PLS1: variants seen among roughly 807,000 people sequenced by gnomAD.
PLS1 encodes plastin 1.
In PLS1, 32 loss-of-function variants were observed where a neutral mutation model predicts 73.7. The observed-to-expected ratio is 0.43, with a 90% CI of 0.33 to 0.58. The LOEUF (loss-of-function observed/expected upper bound fraction) is 0.58. Ranked by LOEUF, PLS1 falls within the 20% of genes least tolerant of loss-of-function variation. The pLI is 0.04. For synonymous variants in PLS1, 217 were observed against 261.3 expected (o/e 0.83, Z 1.63); for missense variants, 633 against 740.5 (o/e 0.85, Z 1.68).
intron 2 of PLS1, among the ~76,000 whole-genome samples, chr3:142,665,936 T>A (rs2037471026): frequency 6.6e-6 from 1 of 152,136 alleles, no homozygotes; most frequent in Non-Finnish European, 1.5e-5. Context: ...AGCAAGATAA[T>A]TTGTTCTGTT....
At chr3:142,647,895 G>A (rs953929717) in intron 1 of PLS1, among the ~76,000 whole-genome samples, 3 of 152,134 alleles carry the variant, frequency 2.0e-5, no homozygotes, top group Non-Finnish European at 4.4e-5. Context: ...CTCTCTAGTA[G>A]GGGCTGTGTG....
intron 1 of PLS1, among the ~76,000 whole-genome samples, chr3:142,606,324 A>G (rs2036017149): frequency 6.6e-6 from 1 of 152,192 alleles, no homozygotes; most frequent in African/African-American, 2.4e-5. Flanking sequence ...TAAGGGTATT[A>G]CTAAAGCAAG....
intron 1 of PLS1, among the ~76,000 whole-genome samples, chr3:142,662,944 C>G (rs745393765): frequency 2.6e-5 from 4 of 152,098 alleles, no homozygotes; most frequent in Non-Finnish European, 4.4e-5. Context: ...CTCAGTGGCT[C>G]AGCGTCTGTA....
At chr3:142,600,806 TGAGAG>T (rs1189237325) in intron 1 of PLS1, among the ~76,000 whole-genome samples, 1 of 137,322 alleles carries the variant, frequency 7.3e-6, no homozygotes, top group African/African-American at 2.7e-5. Context: ...AGAGAGCAGT[TGAGAG>T]GAGAGACAGA....
Position 142,698,072 on chromosome 3 carries a change from A to G in PLS1, c.1371+5A>G. 1 of 1,419,474 alleles carries G rather than the reference A, an allele frequency of 7.0e-7. No individual in the cohort carries two copies. The highest frequency in any genetic ancestry group is 1.0e-6 in the Non-Finnish European group (1 of 1,002,500). 87.9% of individuals were successfully genotyped at this position (1,419,474 alleles called of 1,614,324 possible). Reference sequence around the variant, plus strand: ...CTTGGAGGGAACATGAAGAAGGTGAATGAAATAATGGCCATGGATATATTG... The same window carrying G: ...CTTGGAGGGAACATGAAGAAGGTGAGTGAAATAATGGCCATGGATATATTG... On this transcript the variant is annotated splice_donor_5th_base_variant and intron_variant, in intron 12 of 15. Transcript: ENST00000457734.
chr3:142,627,403 T>G (rs1287924376), intron 1 of PLS1, among the ~76,000 whole-genome samples: 1 of 152,188 alleles, frequency 6.6e-6, no homozygotes, highest in Non-Finnish European at 1.5e-5. Context: ...TAAGTCAAGA[T>G]TTTGGAAATA....
Position 142,684,387 on chromosome 3 carries a change from G to A in PLS1, c.880G>A (p.Asp294Asn), listed in dbSNP as rs763486606. The stretch of plus-strand genomic sequence containing the variant: ...GCATACCATCAGCAACTTCAGCCAA[G>A]ACATTAAGGTTTATATTTAAATGTT... ...GWHTISNFSQ[D>N]IKDSRAYFHL... The change falls in exon 8 of 16, where the codon GAC (aspartate) becomes AAC (asparagine). Residue 294 changes from aspartate to asparagine, a missense_variant. Physicochemically the swap from Asp to Asn is conservative, Grantham distance 23 (BLOSUM62 1). Coordinates refer to ENST00000457734, the MANE Select transcript of PLS1 (RefSeq NM_001145319.2). 6.2e-7 allele frequency: 1 copy of A among 1,612,912 alleles called. No individual in the cohort carries two copies. Among genetic ancestry groups the A allele is most frequent in the South Asian group, 1.1e-5 (1 of 90,944 alleles).
At chr3:142,639,538 ATT>A (rs745433524) in intron 1 of PLS1, among the ~76,000 whole-genome samples, 2 of 152,192 alleles carry the variant, frequency 1.3e-5, no homozygotes, top group Non-Finnish European at 2.9e-5. Flanking sequence ...TTTCTGTATC[ATT>A]TGAATATACG....
At chr3:142,709,588 G>A (rs968764570) in intron 14 of PLS1, among the ~76,000 whole-genome samples, 6 of 152,094 alleles carry the variant, frequency 3.9e-5, no homozygotes, top group Non-Finnish European at 5.9e-5. Flanking sequence ...AGGCCGAGGC[G>A]GGTGGATCAC....
intron 1 of PLS1, among the ~76,000 whole-genome samples, chr3:142,620,710 C>G (rs1379431120): frequency 1.3e-5 from 2 of 152,074 alleles, no homozygotes; most frequent in Non-Finnish European, 2.9e-5. Flanking sequence ...CTCAAATATT[C>G]ATAGGCTGTT....
At chr3:142,638,800 G>A (rs1449651882) in intron 1 of PLS1, among the ~76,000 whole-genome samples, 1 of 151,856 alleles carries the variant, frequency 6.6e-6, no homozygotes, top group African/African-American at 2.4e-5. Context: ...AGAGTGTAAT[G>A]GTGCGATCTC....
At chr3:142,688,397 A>G (rs1391245088) in intron 9 of PLS1, among the ~76,000 whole-genome samples, 2 of 152,206 alleles carry the variant, frequency 1.3e-5, no homozygotes, top group East Asian at 3.8e-4. Flanking sequence ...TGATATACTC[A>G]TATGGGTCTG....
chr3:142,608,911 A>C (rs1421535129), intron 1 of PLS1, among the ~76,000 whole-genome samples: 1 of 152,226 alleles, frequency 6.6e-6, no homozygotes, highest in African/African-American at 2.4e-5. Flanking sequence ...ACATTAGCTG[A>C]GTATGTTTGC....
At chr3:142,616,155 A>G (rs988587717) in intron 1 of PLS1, among the ~76,000 whole-genome samples, 3 of 152,210 alleles carry the variant, frequency 2.0e-5, no homozygotes, top group Admixed American at 6.5e-5. Context: ...TGCTTTGACA[A>G]TAGGTCCTCA....
intron 6 of PLS1, among the ~76,000 whole-genome samples, chr3:142,683,426 C>T (rs964067368): frequency 2.6e-5 from 4 of 152,184 alleles, no homozygotes; most frequent in Admixed American, 2.6e-4. Flanking sequence ...ATGGCGTGAG[C>T]CCAGGAGGCG....
At chr3:142,611,409 G>A (rs988474783) in intron 1 of PLS1, among the ~76,000 whole-genome samples, 1 of 152,110 alleles carries the variant, frequency 6.6e-6, no homozygotes, top group Non-Finnish European at 1.5e-5. Context: ...ATCATCTGAG[G>A]CCAAGAATTC....
At chr3:142,648,949 AT>A (rs2037018982) in intron 1 of PLS1, among the ~76,000 whole-genome samples, 1 of 152,226 alleles carries the variant, frequency 6.6e-6, no homozygotes, top group Non-Finnish European at 1.5e-5. Context: ...AGGATGTTGG[AT>A]AAATCTGCAA....
chr3:142,619,277 G>A (rs2036272520), intron 1 of PLS1, among the ~76,000 whole-genome samples: 1 of 152,120 alleles, frequency 6.6e-6, no homozygotes. Flanking sequence ...ATTCTGATAT[G>A]AGAGAGGCAC....
intron 1 of PLS1, among the ~76,000 whole-genome samples, chr3:142,608,737 T>C (rs1303033208): frequency 6.6e-6 from 1 of 152,224 alleles, no homozygotes; most frequent in Non-Finnish European, 1.5e-5. Context: ...GTCTCTGTGT[T>C]TAAGGCCCCA....
Sources: gnomAD v4.1 joint callset for allele counts (sites outside exome capture counted in the v4.1 genomes callset) on GRCh38, gnomAD v4.1.1 for gene constraint, MANE v1.5 for transcripts, NCBI Gene and HGNC (gene_info 2026-07-23, HGNC 2026-07-21) for gene names.